FCHSD2: variants seen among roughly 807,000 people sequenced by gnomAD.
FCHSD2 encodes the protein FCH and double SH3 domains 2, also known as F-BAR and double SH3 domains protein 2.
A neutral mutation model predicts 108.1 loss-of-function variants in FCHSD2; 38 were observed. That is an observed-to-expected ratio of 0.35 (90% CI 0.27 to 0.46). The LOEUF (loss-of-function observed/expected upper bound fraction) is 0.46. Ranked by LOEUF, FCHSD2 falls within the 20% of genes least tolerant of loss-of-function variation. The pLI is 1.00. For missense variants in FCHSD2, 751 were observed against 897.8 expected, an observed-to-expected ratio of 0.84 and a Z score of 2.09; for synonymous variants, 279 against 314.7, an observed-to-expected ratio of 0.89 and a Z score of 1.20.
rs115124293 is a variant in FCHSD2 at position 72,965,520 on chromosome 11, A to C, written c.705+18568T>G. On this transcript the variant is annotated intron_variant, in intron 8 of 19. Transcript: ENST00000409418. ...TTTCCTATGTTCTAATTACATTTGT[A>C]CATACTGCCATTATAGTATTTTTTT... Among the ~76,000 whole-genome samples, 1,386 of 152,320 alleles carry C rather than the reference A, an allele frequency of 9.1e-3. 22 individuals carry two copies. The highest frequency in any genetic ancestry group is 0.03 in the African/African-American group (1,262 of 41,580).
At chr11:72,887,431 T>C in intron 12 of FCHSD2, 39 bp downstream of exon 12, 1 of 1,315,120 alleles carries the variant, frequency 7.6e-7, no homozygotes, top group Non-Finnish European at 1.1e-6. Context: ...ACAGTGTCAT[T>C]AGACCTGGGC....
chr11:73,022,866 A>G (rs1271092625), intron 3 of FCHSD2, among the ~76,000 whole-genome samples: 2 of 152,300 alleles, frequency 1.3e-5, no homozygotes, highest in South Asian at 4.1e-4. Context: ...GGAACAAAAG[A>G]GAGATCCCAG....
At chr11:72,917,375 T>C (rs892964620) in intron 9 of FCHSD2, among the ~76,000 whole-genome samples, 6 of 152,214 alleles carry the variant, frequency 3.9e-5, no homozygotes, top group African/African-American at 1.2e-4. Flanking sequence ...CATGGCACCT[T>C]TGTTGCAAAT....
At chr11:72,999,067 A>G (rs1437603209) in intron 5 of FCHSD2, among the ~76,000 whole-genome samples, 1 of 152,172 alleles carries the variant, frequency 6.6e-6, no homozygotes, top group Non-Finnish European at 1.5e-5. Context: ...TAATACCATC[A>G]TTTGAACCCC....
intron 2 of FCHSD2, among the ~76,000 whole-genome samples, chr11:73,123,909 T>C (rs1287993177): frequency 3.3e-5 from 5 of 152,204 alleles, no homozygotes; most frequent in African/African-American, 1.2e-4. Context: ...AAAGAGATAA[T>C]CTTATCATAA....
intron 8 of FCHSD2, chr11:72,983,703 T>C: frequency 3.1e-6 from 1 of 327,768 alleles, no homozygotes; most frequent in Non-Finnish European, 5.9e-6. Flanking sequence ...CTGAAGATTC[T>C]GCCTAGCTTC....
intron 10 of FCHSD2, among the ~76,000 whole-genome samples, chr11:72,898,921 T>C (rs1269455214): frequency 6.6e-6 from 1 of 151,892 alleles, no homozygotes; most frequent in Non-Finnish European, 1.5e-5. Context: ...ATTATTATTT[T>C]TTTTTTAGAG....
At chr11:72,892,908 A>T (rs191237251) in intron 10 of FCHSD2, among the ~76,000 whole-genome samples, 6 of 150,838 alleles carry the variant, frequency 4.0e-5, no homozygotes, top group African/African-American at 9.7e-5. Flanking sequence ...GTGGCTGGTA[A>T]TTTTTTTTTT....
At position 72,867,969 on chromosome 11, in the gene FCHSD2, C is replaced by A. The variant is rs773571494; in HGVS notation, c.1204G>T (p.Val402Leu). ...ATGGCACTCTTTAGCCATGTGTCCA[C>A]AGAAACACCAATCTGCTTTAGCAGG... The part of the protein sequence containing the change: ...LDLLKQIGVS[V>L]DTWLKSAMNQ... Residue 402 changes from valine (V) to leucine (L), a missense_variant, in exon 13 of 20, where the codon GTG (valine) becomes TTG (leucine). Physicochemically the swap from Val to Leu is conservative, Grantham distance 32. Transcript: ENST00000409418. 6.3e-7 allele frequency: 1 copy of A among 1,588,498 alleles called. No individual in the cohort carries two copies. Among genetic ancestry groups the A allele is most frequent in the African/African-American group, 1.3e-5 (1 of 74,738 alleles).
At chr11:72,871,567 T>C (rs1176210132) in intron 12 of FCHSD2, among the ~76,000 whole-genome samples, 2 of 140,506 alleles carry the variant, frequency 1.4e-5, no homozygotes, top group Non-Finnish European at 3.1e-5. Flanking sequence ...ACTTGGTGGC[T>C]TTCTGTGGGA....
intron 8 of FCHSD2, among the ~76,000 whole-genome samples, chr11:72,981,012 T>C (rs1435281053): frequency 6.6e-6 from 1 of 152,114 alleles, no homozygotes; most frequent in Admixed American, 6.6e-5. Context: ...AAAACAGATA[T>C]TTTCAAGAAA....
intron 2 of FCHSD2, among the ~76,000 whole-genome samples, chr11:73,111,205 T>TAAG (rs1402106786): frequency 5.9e-5 from 9 of 152,322 alleles, no homozygotes; most frequent in African/African-American, 1.9e-4. Flanking sequence ...TAGTACAGAT[T>TAAG]AAGAGTGATG....
At chr11:72,852,322 A>C (rs1429821623) in intron 13 of FCHSD2, among the ~76,000 whole-genome samples, 1 of 152,212 alleles carries the variant, frequency 6.6e-6, no homozygotes, top group African/African-American at 2.4e-5. Context: ...GCAATTCCTC[A>C]AAGAGCTAAA....
intron 14 of FCHSD2, among the ~76,000 whole-genome samples, chr11:72,845,455 A>C (rs1469888547): frequency 2.1e-5 from 1 of 47,818 alleles, no homozygotes; most frequent in African/African-American, 5.5e-5. Context: ...AAAAAAAAAA[A>C]AAAAAACAAC....
intron 6 of FCHSD2, among the ~76,000 whole-genome samples, chr11:72,987,071 T>C (rs117559934): frequency 2.3e-3 from 351 of 152,310 alleles, no homozygotes; most frequent in Non-Finnish European, 4.5e-3. Flanking sequence ...TTTCCCAGGC[T>C]CTTCAGAATA....
rs199517517 is a variant in FCHSD2, at chr11:73,141,926, CAGG to C, written c.-52_-50del. 662 of 1,524,476 alleles carry C rather than the reference CAGG, an allele frequency of 4.3e-4. No individual in the cohort carries two copies. Among genetic ancestry groups the C allele is most frequent in the Admixed American group, 1.0e-3 (49 of 49,164 alleles). The allele number at this position is 1,524,476 out of a possible 1,614,324, so 94.4% of individuals were successfully genotyped here. A position where few individuals can be genotyped will look rare whatever the true frequency, so the allele number is the denominator to read the frequency against. On this transcript the variant is annotated 5_prime_UTR_variant, in exon 1 of 20. Coordinates refer to ENST00000409418, the MANE Select transcript of FCHSD2 (RefSeq NM_014824.3). Reference sequence around the variant, plus strand: ...CCCCGACGGCAGCGTTAGCAAGGACCAGGAGGAGGAGGAGGGCCGGAGAGGAGG... The same window carrying C: ...CCCCGACGGCAGCGTTAGCAAGGACCAGGAGGAGGAGGGCCGGAGAGGAGG...
intron 8 of FCHSD2, among the ~76,000 whole-genome samples, chr11:72,954,202 T>A (rs1254948879): frequency 7.3e-6 from 1 of 136,426 alleles, no homozygotes; most frequent in Non-Finnish European, 1.6e-5. Flanking sequence ...GGGGATTTTT[T>A]TTTTTTTTTT....
At chr11:72,901,484 T>C (rs960719761) in intron 10 of FCHSD2, among the ~76,000 whole-genome samples, 7 of 152,088 alleles carry the variant, frequency 4.6e-5, no homozygotes, top group Non-Finnish European at 7.4e-5. Flanking sequence ...AGTAGATTAA[T>C]GATGTCAGGG....
chr11:73,027,226 T>C (rs531890724), intron 3 of FCHSD2, among the ~76,000 whole-genome samples: 1 of 152,212 alleles, frequency 6.6e-6, no homozygotes, highest in East Asian at 1.9e-4. Flanking sequence ...TGATCACTGA[T>C]AGTGATATGG....
Sources: gnomAD v4.1 joint callset for allele counts (sites outside exome capture counted in the v4.1 genomes callset) on GRCh38, gnomAD v4.1.1 for gene constraint, MANE v1.5 for transcripts, NCBI Gene and HGNC (gene_info 2026-07-23, HGNC 2026-07-21) for gene names.